VPS37A: variants seen among roughly 807,000 people sequenced by gnomAD.
VPS37A encodes the protein vacuolar protein sorting-associated protein 37A.
VPS37A carries 30 observed loss-of-function variants against 49.8 expected under a neutral mutation model. The ratio of observed to expected loss-of-function variants is 0.60; its 90% CI spans 0.45 to 0.82. VPS37A has a LOEUF of 0.82. VPS37A is among the 40% of genes least tolerant of loss of function. VPS37A has a pLI of 0.00. For missense variants in VPS37A, 593 were observed against 464.4 expected (o/e 1.28, Z -2.55); for synonymous variants, 195 against 160.6 (o/e 1.21, Z -1.62).
downstream of VPS37A, chr8:17,306,084 G>T: frequency 1.4e-6 from 1 of 729,986 alleles, no homozygotes; most frequent in Non-Finnish European, 2.1e-6. Context: ...AACTTGGAAT[G>T]ACAAAAAAGG....
At chr8:17,321,760 G>A in the VPS37A span, among the ~76,000 whole-genome samples, 1 of 152,192 alleles carries the variant, frequency 6.6e-6, no homozygotes, top group African/African-American at 2.4e-5. Context: ...AAATTGCAGA[G>A]AATGGGGCTT....
intron 10 of VPS37A, 67 bp downstream of exon 10, chr8:17,284,683 AG>A: frequency 6.7e-7 from 1 of 1,495,754 alleles, no homozygotes; most frequent in Non-Finnish European, 8.9e-7. Context: ...GAGGAGGAGA[AG>A]CACTGGGTGT....
chr8:17,325,651 G>T, the VPS37A span, among the ~76,000 whole-genome samples: 1 of 152,170 alleles, frequency 6.6e-6, no homozygotes, highest in Non-Finnish European at 1.5e-5. Flanking sequence ...GCTAAGATTT[G>T]CAAGTCCACA....
intron 1 of VPS37A, among the ~76,000 whole-genome samples, chr8:17,256,290 A>ATTTTTTT (rs529736602): frequency 1.2e-4 from 7 of 60,400 alleles, no homozygotes; most frequent in Admixed American, 2.3e-4. Flanking sequence ...GGGTAAAATG[A>ATTTTTTT]TTTTTTTTTT....
the VPS37A span, chr8:17,311,608 A>G: frequency 6.2e-7 from 1 of 1,614,036 alleles, no homozygotes; most frequent in Non-Finnish European, 8.5e-7. Context: ...ACAGTGAACA[A>G]GCACACTTGC....
chr8:17,300,338 T>C, downstream of VPS37A: 1 of 1,169,710 alleles, frequency 8.5e-7, no homozygotes, highest in East Asian at 2.6e-5. Context: ...TAAGAACATG[T>C]GACTCAGAGG....
rs558618295 is a variant in VPS37A at position 17,259,543 on chromosome 8, C to G, written c.126-6364C>G. 6.6e-5 allele frequency among the ~76,000 whole-genome samples: 10 copies of G among 152,210 alleles called. No homozygotes were observed. In the East Asian group the frequency reaches 1.9e-3, roughly 29 times the overall value. Reference sequence around the variant, plus strand: ...CATGTGCTGATGAAAAGAACATATTCTGCAGCAATTGAGTGCAGTGTTCTG... The same window carrying G: ...CATGTGCTGATGAAAAGAACATATTGTGCAGCAATTGAGTGCAGTGTTCTG... On this transcript the variant is annotated intron_variant, in intron 1 of 11. Transcript: ENST00000324849.
the VPS37A span, chr8:17,309,180 CAA>C: frequency 7.1e-6 from 6 of 847,062 alleles, no homozygotes; most frequent in Non-Finnish European, 1.1e-5. Context: ...GACACAAACT[CAA>C]AAAACAAGAC....
rs1813664328 is a variant in VPS37A, at chr8:17,268,358, C to A, written c.301C>A (p.Pro101Thr). 1 of 1,606,594 alleles carries A rather than the reference C, an allele frequency of 6.2e-7. No homozygotes were observed. Among genetic ancestry groups the A allele is most frequent in the Non-Finnish European group, 8.5e-7 (1 of 1,173,782 alleles). ...MDKQGVYVTS[P>T]LVNNFTMHSD... ...TAAACAAGGAGTGTATGTTACCTCT[C>A]CATTAGTAAACAATGTATGTATATG... The change falls in exon 3 of 12, where the codon CCA (proline) becomes ACA (threonine). Residue 101 changes from proline to threonine, a missense_variant. Pro to Thr is a conservative substitution (Grantham distance 38). Coordinates refer to ENST00000324849, the MANE Select transcript of VPS37A (RefSeq NM_152415.3).
At chr8:17,304,324 G>A (rs990537757), downstream of VPS37A, 32 of 1,577,174 alleles carry the variant, frequency 2.0e-5, no homozygotes, top group Admixed American at 1.3e-4. Flanking sequence ...AATGTTAAAC[G>A]GTACCAGAAT....
intron 5 of VPS37A, 73 bp downstream of exon 5, chr8:17,275,031 C>A: frequency 7.4e-7 from 1 of 1,346,512 alleles, no homozygotes; most frequent in Non-Finnish European, 1.0e-6. Context: ...TATTACATGC[C>A]TCTGTGTGCC....
At chr8:17,250,399 G>A (rs1446202258) in intron 1 of VPS37A, among the ~76,000 whole-genome samples, 2 of 152,166 alleles carry the variant, frequency 1.3e-5, no homozygotes, top group East Asian at 3.9e-4. Flanking sequence ...TAAAGGTGTG[G>A]TGTGTAAAAG....
At chr8:17,293,646 GGTC>G (rs1816347033) in intron 11 of VPS37A, among the ~76,000 whole-genome samples, 2 of 152,068 alleles carry the variant, frequency 1.3e-5, no homozygotes, top group Non-Finnish European at 2.9e-5. Context: ...ATTTTTGCAT[GGTC>G]GTCATTTTTG....
rs937958119 is a variant in VPS37A at position 17,247,823 on chromosome 8, G to A, written c.125+454G>A. On this transcript the variant is annotated intron_variant, in intron 1 of 11. Coordinates refer to ENST00000324849, the MANE Select transcript of VPS37A (RefSeq NM_152415.3). The stretch of plus-strand genomic sequence containing the variant: ...GCAACATCAAAGGAAAGGGAAGCCA[G>A]AGTTTTCATCAGTGAATGCTTCTCG... The A allele has an allele frequency of 1.3e-5, 9 of 698,870 alleles. No individual in the cohort carries two copies. The African/African-American group carries it at 1.6e-4, about 12-fold the overall frequency. The allele number at this position is 698,870 out of a possible 1,614,324, so 43.3% of individuals were successfully genotyped here. A position where few individuals can be genotyped will look rare whatever the true frequency, so the allele number is the denominator to read the frequency against.
chr8:17,315,399 G>T, the VPS37A span, among the ~76,000 whole-genome samples: 1 of 92,814 alleles, frequency 1.1e-5, no homozygotes, highest in African/African-American at 5.0e-5. Flanking sequence ...TACGACAGTG[G>T]TTACATTTAT....
chr8:17,284,449 G>C (rs995571993), intron 9 of VPS37A, 24 bp from the exon 10 acceptor site: 1 of 1,551,430 alleles, frequency 6.4e-7, no homozygotes, highest in Non-Finnish European at 8.6e-7. Flanking sequence ...ATAAATTAAA[G>C]TAGTGCCTGA....
At chr8:17,320,953 CA>C in the VPS37A span, among the ~76,000 whole-genome samples, 1 of 152,148 alleles carries the variant, frequency 6.6e-6, no homozygotes, top group Admixed American at 6.5e-5. Context: ...TCTCAGGATG[CA>C]ATTGATTCCT....
At chr8:17,317,121 T>A in the VPS37A span, among the ~76,000 whole-genome samples, 11 of 152,232 alleles carry the variant, frequency 7.2e-5, no homozygotes, top group Admixed American at 7.2e-4. Context: ...AGAATTTGCT[T>A]GCTTATATGT....
At chr8:17,259,330 C>T (rs972553741) in intron 1 of VPS37A, among the ~76,000 whole-genome samples, 2 of 152,014 alleles carry the variant, frequency 1.3e-5, no homozygotes, top group African/African-American at 4.8e-5. Context: ...TTCTTTGTCA[C>T]CCCATTGGCT....
Sources: allele counts gnomAD v4.1 joint callset (sites outside exome capture counted in the v4.1 genomes callset), GRCh38; gene constraint gnomAD v4.1.1; transcripts MANE v1.5; gene names NCBI Gene and HGNC (gene_info 2026-07-23, HGNC 2026-07-21).